Variants in RBL1 observed in about 807,000 individuals in gnomAD.
The protein encoded by RBL1 is retinoblastoma-like protein 1.
A neutral mutation model predicts 123.0 loss-of-function variants in RBL1; 82 were observed. The observed-to-expected ratio is 0.67, with a 90% CI of 0.56 to 0.80. The LOEUF (loss-of-function observed/expected upper bound fraction) is 0.80, where lower values mean the gene tolerates loss of function less well. Among genes scored for constraint, RBL1 ranks in the 30% least tolerant of loss-of-function variants. RBL1 has a pLI of 0.00. For missense variants in RBL1, 1,171 were observed against 1,299.6 expected, an observed-to-expected ratio of 0.90 and a Z score of 1.52; for synonymous variants, 405 against 441.3, an observed-to-expected ratio of 0.92 and a Z score of 1.03.
chr20:37,057,953 C>T (rs983857267), intron 9 of RBL1, among the ~76,000 whole-genome samples: 13 of 151,826 alleles, frequency 8.6e-5, no homozygotes, highest in African/African-American at 2.9e-4. Context: ...TGGTAAAACC[C>T]CGTCTCTACT....
intron 13 of RBL1, among the ~76,000 whole-genome samples, chr20:37,041,128 T>C (rs562456777): frequency 6.6e-6 from 1 of 152,158 alleles, no homozygotes; most frequent in East Asian, 1.9e-4. Flanking sequence ...ACAGTTCTAG[T>C]AGTTTGGGAT....
intron 9 of RBL1, among the ~76,000 whole-genome samples, chr20:37,056,651 C>T (rs2065012460): frequency 6.6e-6 from 1 of 152,128 alleles, no homozygotes; most frequent in African/African-American, 2.4e-5. Flanking sequence ...CCATGCCCGG[C>T]CAACATGCCT....
chr20:37,031,707 T>C (rs539604604), intron 16 of RBL1, among the ~76,000 whole-genome samples: 47 of 152,274 alleles, frequency 3.1e-4, no homozygotes, highest in South Asian at 8.3e-4. Context: ...CCCAAAGGAA[T>C]TGAAAGCAGA....
intron 19 of RBL1, among the ~76,000 whole-genome samples, chr20:37,010,361 CCTTA>C (rs1393334517): frequency 1.3e-5 from 2 of 152,156 alleles, no homozygotes; most frequent in East Asian, 1.9e-4. Context: ...ATTACTAAGG[CCTTA>C]CTATGAACAA....
chr20:37,023,278 C>G (rs1397388732), intron 16 of RBL1, among the ~76,000 whole-genome samples: 1 of 152,080 alleles, frequency 6.6e-6, no homozygotes, highest in African/African-American at 2.4e-5. Flanking sequence ...CATGCCACCA[C>G]GCCTAGCTAA....
At chr20:37,060,979 G>T in intron 9 of RBL1, 124 bp downstream of exon 9, 1 of 1,055,078 alleles carries the variant, frequency 9.5e-7, no homozygotes, top group Non-Finnish European at 1.3e-6. Context: ...TGATTGAAAT[G>T]GTATAGTAAA....
At chr20:37,041,007 G>C (rs562722412) in intron 13 of RBL1, among the ~76,000 whole-genome samples, 37 of 152,256 alleles carry the variant, frequency 2.4e-4, no homozygotes, top group Middle Eastern at 3.4e-3. Context: ...GAAATAAACT[G>C]ATGAATACTG....
intron 7 of RBL1, among the ~76,000 whole-genome samples, chr20:37,064,864 G>A (rs926740630): frequency 5.3e-5 from 8 of 151,876 alleles, no homozygotes; most frequent in African/African-American, 1.7e-4. Context: ...GACCTCAAGT[G>A]ATCGGCCCGC....
chr20:37,088,532 T>C (rs1324972364), intron 2 of RBL1, among the ~76,000 whole-genome samples: 1 of 151,946 alleles, frequency 6.6e-6, no homozygotes, highest in Admixed American at 6.6e-5. Flanking sequence ...AATATGAAAA[T>C]TGGGAAAGGA....
At chr20:37,091,653 G>C in intron 1 of RBL1, among the ~76,000 whole-genome samples, 1 of 137,134 alleles carries the variant, frequency 7.3e-6, no homozygotes. Context: ...GTGAAAGAAC[G>C]AGACTCTATC....
intron 3 of RBL1, among the ~76,000 whole-genome samples, chr20:37,067,777 A>C (rs1457029281): frequency 2.0e-5 from 3 of 151,080 alleles, no homozygotes; most frequent in Admixed American, 6.6e-5. Context: ...AAAAAAAAAA[A>C]AAAAAAAAAA....
At position 37,044,103 on chromosome 20, in the gene RBL1, CTTTG is replaced by C. The variant is rs775950001; in HGVS notation, c.1749_1752del (p.Asn583LysfsTer28). On this transcript the variant is annotated frameshift_variant, in exon 13 of 22. Coordinates refer to ENST00000373664, the MANE Select transcript of RBL1 (RefSeq NM_002895.5). LOFTEE classifies it high-confidence loss of function. ...AGACTCACTTCTTCACAGGTAGGAACTTTGTTTGCAGAAACCTGGAGAGCCTCCC... is the reference window on the plus strand; with the variant it reads ...AGACTCACTTCTTCACAGGTAGGAACTTTGCAGAAACCTGGAGAGCCTCCC... 19 of 1,571,356 alleles carry C rather than the reference CTTTG, an allele frequency of 1.2e-5. No individual in the cohort carries two copies. The highest frequency in any genetic ancestry group is 1.4e-5 in the Non-Finnish European group (16 of 1,155,918).
chr20:37,081,768 A>G (rs2065453850), intron 2 of RBL1: 1 of 326,854 alleles, frequency 3.1e-6, no homozygotes, highest in Admixed American at 4.1e-5. Context: ...AGTGTCTATG[A>G]TTGTGTCCTT....
intron 1 of RBL1, among the ~76,000 whole-genome samples, 192 bp downstream of exon 1, chr20:37,095,581 T>C (rs2065722161): frequency 6.6e-6 from 1 of 152,170 alleles, no homozygotes; most frequent in Non-Finnish European, 1.5e-5. Context: ...TTTCCTGAGC[T>C]TCAGTTTCCC....
intron 7 of RBL1, among the ~76,000 whole-genome samples, chr20:37,062,876 G>C (rs148117593): frequency 2.5e-4 from 38 of 151,816 alleles, no homozygotes; most frequent in African/African-American, 9.2e-4. Context: ...CAGCTACTTG[G>C]GAGGCTGAGG....
At chr20:37,018,203 T>C in intron 19 of RBL1, 76 bp downstream of exon 19, 1 of 1,387,656 alleles carries the variant, frequency 7.2e-7, no homozygotes. Context: ...ATTTCCATGT[T>C]GTCTGACACC....
Position 36,998,610 on chromosome 20 carries a change from A to G in RBL1, c.*149T>C, listed in dbSNP as rs1209596123. 1.9e-5 allele frequency: 13 copies of G among 668,374 alleles called. No individual in the cohort carries two copies. The Admixed American group carries it at 4.4e-4, about 23-fold the overall frequency. The allele number at this position is 668,374 out of a possible 1,614,324, so 41.4% of individuals were successfully genotyped here. On this transcript the variant is annotated 3_prime_UTR_variant, in exon 22 of 22. Coordinates refer to ENST00000373664, the MANE Select transcript of RBL1 (RefSeq NM_002895.5). Reference sequence around the variant, plus strand: ...TCTCTGTCAACTACATTTTGGATAAATATTTTAAAAAGCACATAATTTTTG... The same window carrying G: ...TCTCTGTCAACTACATTTTGGATAAGTATTTTAAAAAGCACATAATTTTTG...
intron 2 of RBL1, chr20:37,082,064 G>A (rs1331326946): frequency 2.2e-5 from 10 of 454,040 alleles, no homozygotes; most frequent in Admixed American, 1.7e-4. Flanking sequence ...TCTCTATGCC[G>A]GGGGAGCCTG....
Position 37,049,580 on chromosome 20 carries a change from T to G in RBL1, c.1468-2390A>C, listed in dbSNP as rs189809393. 1.7e-4 allele frequency: 128 copies of G among 755,754 alleles called. 1 individual carries two copies. The African/African-American group carries it at 2.0e-3, about 12-fold the overall frequency. 46.8% of individuals were successfully genotyped at this position (755,754 alleles called of 1,614,324 possible). On this transcript the variant is annotated intron_variant, in intron 11 of 21. Coordinates refer to ENST00000373664, the MANE Select transcript of RBL1 (RefSeq NM_002895.5). ...TATAAGGTAGATGAGAACGGCAAAA[T>G]TAGTTGCTTTCGTCGAGAGTGCCCT...
Sources: allele counts gnomAD v4.1 joint callset (sites outside exome capture counted in the v4.1 genomes callset), GRCh38; gene constraint gnomAD v4.1.1; transcripts MANE v1.5; gene names NCBI Gene and HGNC (gene_info 2026-07-23, HGNC 2026-07-21).